Variants in DOK6 observed in about 807,000 individuals in gnomAD.
DOK6 encodes docking protein 6, also known as downstream of tyrosine kinase 6.
Under a neutral mutation model 44.0 loss-of-function variants are expected in DOK6, and 22 were observed. The observed-to-expected ratio is 0.50, with a 90% CI of 0.36 to 0.71. The LOEUF is 0.71. DOK6 is among the 30% of genes least tolerant of loss of function. DOK6 has a pLI of 0.00. For missense variants in DOK6, 340 were observed against 416.4 expected, an observed-to-expected ratio of 0.82 and a Z score of 1.60; for synonymous variants, 166 against 145.5, an observed-to-expected ratio of 1.14 and a Z score of -1.01.
chr18:69,618,849 A>T (rs1196087893), intron 3 of DOK6, among the ~76,000 whole-genome samples: 1 of 152,222 alleles, frequency 6.6e-6, no homozygotes, highest in Admixed American at 6.5e-5. Flanking sequence ...TGTTTTGAAC[A>T]CAAGTGGTCC....
intron 7 of DOK6, among the ~76,000 whole-genome samples, chr18:69,807,811 T>C (rs1240875977): frequency 6.6e-6 from 1 of 151,702 alleles, no homozygotes; most frequent in East Asian, 1.9e-4. Context: ...TAATAAATTA[T>C]TGAAGGGAGA....
intron 2 of DOK6, among the ~76,000 whole-genome samples, chr18:69,594,438 A>C (rs1171529294): frequency 6.6e-6 from 1 of 151,978 alleles, no homozygotes; most frequent in Non-Finnish European, 1.5e-5. Flanking sequence ...GATAATTACA[A>C]ATAGGGAGAA....
chr18:69,692,153 T>A (rs1986282961), intron 4 of DOK6, among the ~76,000 whole-genome samples: 1 of 152,204 alleles, frequency 6.6e-6, no homozygotes, highest in African/African-American at 2.4e-5. Context: ...AAGAGCATAT[T>A]CTATCTTTCT....
Position 69,690,850 on chromosome 18 carries a change from A to G in DOK6, c.410-7554A>G, listed in dbSNP as rs1258251720. ...TTAGTAGTTTTGGATTCTTACTAAA[A>G]TTTCATGTTTTAATTGGTATGTAAA... On this transcript the variant is annotated intron_variant, in intron 4 of 7. Transcript: ENST00000382713. 1.1e-4 allele frequency among the ~76,000 whole-genome samples: 17 copies of G among 152,256 alleles called. No homozygotes were observed. In the East Asian group the frequency reaches 2.9e-3, roughly 26 times the overall value.
rs559623167 is a variant in DOK6 at position 69,526,060 on chromosome 18, G to A, written c.67-38427G>A. Among the ~76,000 whole-genome samples the A allele has an allele frequency of 2.0e-5, 3 of 152,000 alleles. No individual in the cohort carries two copies. The South Asian group carries it at 6.3e-4, about 32-fold the overall frequency. On this transcript the variant is annotated intron_variant, in intron 1 of 7. Coordinates refer to ENST00000382713, the MANE Select transcript of DOK6 (RefSeq NM_152721.6). ...ATACTCCTACATCCCTCATTAAATT[G>A]TTATTACGGCTTTATTAAAATATAA... is the stretch of plus-strand genomic sequence containing the variant.
chr18:69,551,719 A>G (rs1475913822), intron 1 of DOK6, among the ~76,000 whole-genome samples: 1 of 152,176 alleles, frequency 6.6e-6, no homozygotes, highest in African/African-American at 2.4e-5. Context: ...TTTTCATCTT[A>G]TTCCAGTGGC....
intron 2 of DOK6, among the ~76,000 whole-genome samples, chr18:69,569,514 A>G (rs1448518512): frequency 6.6e-6 from 1 of 152,216 alleles, no homozygotes; most frequent in Non-Finnish European, 1.5e-5. Context: ...CCTCAAGATA[A>G]AAAATACTAT....
chr18:69,605,076 TTGTGTGTGTGTGTGTGTGTGTGTGTG>T (rs71176987), intron 3 of DOK6, among the ~76,000 whole-genome samples: 2 of 125,780 alleles, frequency 1.6e-5, no homozygotes, highest in Non-Finnish European at 3.4e-5. Flanking sequence ...AGAGATCCCT[TTGTGTGTGTGTGTGTGTGTGTGTGTG>T]TGTGTGTGTG....
At chr18:69,699,570 C>T (rs1353812694) in intron 5 of DOK6, among the ~76,000 whole-genome samples, 1 of 152,106 alleles carries the variant, frequency 6.6e-6, no homozygotes, top group Admixed American at 6.5e-5. Flanking sequence ...ACTGATTTCT[C>T]TGAAAAGCAT....
chr18:69,801,864 T>C (rs1324712593), intron 7 of DOK6, among the ~76,000 whole-genome samples: 1 of 152,214 alleles, frequency 6.6e-6, no homozygotes, highest in Non-Finnish European at 1.5e-5. Context: ...TTGCAGAGTG[T>C]TGAGTAAAAG....
Position 69,841,502 on chromosome 18 carries a change from C to T in DOK6, c.*119C>T. ...ACAAATTGAAATGGGTCGGCTCTAGCCCCAGTCCCATTGGAAGGTTAAAAA... is the reference window on the plus strand; with the variant it reads ...ACAAATTGAAATGGGTCGGCTCTAGTCCCAGTCCCATTGGAAGGTTAAAAA... On this transcript the variant is annotated 3_prime_UTR_variant, in exon 8 of 8. Coordinates refer to ENST00000382713, the MANE Select transcript of DOK6 (RefSeq NM_152721.6). 5 of 1,370,828 alleles carry T rather than the reference C, an allele frequency of 3.6e-6. No homozygotes were observed. Among genetic ancestry groups the T allele is most frequent in the Non-Finnish European group, 4.8e-6 (5 of 1,032,044 alleles). The allele number at this position is 1,370,828 out of a possible 1,614,324, so 84.9% of individuals were successfully genotyped here.
At chr18:69,516,535 A>C (rs1235979881) in intron 1 of DOK6, among the ~76,000 whole-genome samples, 1 of 152,224 alleles carries the variant, frequency 6.6e-6, no homozygotes, top group Non-Finnish European at 1.5e-5. Flanking sequence ...GATGGTCATT[A>C]AAATGTACTA....
intron 1 of DOK6, among the ~76,000 whole-genome samples, chr18:69,534,407 G>A (rs113207406): frequency 2.6e-5 from 4 of 152,052 alleles, no homozygotes; most frequent in South Asian, 2.1e-4. Flanking sequence ...GTATATACAT[G>A]TATGTGTTTT....
At chr18:69,487,947 G>A (rs1052019281) in intron 1 of DOK6, among the ~76,000 whole-genome samples, 1 of 152,116 alleles carries the variant, frequency 6.6e-6, no homozygotes, top group South Asian at 2.1e-4. Context: ...CTCACATCGA[G>A]CCCACATGTC....
chr18:69,745,089 GTTCT>G (rs1978942305), intron 6 of DOK6, among the ~76,000 whole-genome samples: 1 of 152,086 alleles, frequency 6.6e-6, no homozygotes, highest in Non-Finnish European at 1.5e-5. Flanking sequence ...AGACTATCAT[GTTCT>G]TTTTTCTTAA....
chr18:69,401,358 G>T (rs1439299493), intron 1 of DOK6, 48 bp downstream of exon 1: 7 of 1,430,692 alleles, frequency 4.9e-6, no homozygotes, highest in South Asian at 1.5e-5. Flanking sequence ...CGTTCGGCCC[G>T]GCTGGCTGCC....
At chr18:69,406,161 G>A (rs1461062716) in intron 1 of DOK6, among the ~76,000 whole-genome samples, 1 of 152,016 alleles carries the variant, frequency 6.6e-6, no homozygotes, top group Non-Finnish European at 1.5e-5. Flanking sequence ...ACATATTCCT[G>A]CAAATAATGC....
intron 1 of DOK6, among the ~76,000 whole-genome samples, chr18:69,513,753 C>G (rs1981440387): frequency 6.6e-6 from 1 of 152,116 alleles, no homozygotes; most frequent in African/African-American, 2.4e-5. Flanking sequence ...AATTGCTTAG[C>G]AGTGAATCAA....
rs571238687 is a variant in DOK6, at chr18:69,548,197, C to T, written c.67-16290C>T. Among the ~76,000 whole-genome samples the T allele has an allele frequency of 1.3e-3, 203 of 151,180 alleles. 10 individuals are homozygous for T. The highest frequency in any genetic ancestry group is 2.3e-3 in the South Asian group (11 of 4,738). On this transcript the variant is annotated intron_variant, in intron 1 of 7. Transcript: ENST00000382713. ...CTCGATCTCCTGACCTCATGATCCA[C>T]CCGCCTTGGCCTCCCAAAGTGCTGG... is the stretch of plus-strand genomic sequence containing the variant.
Sources: gnomAD v4.1 joint callset for allele counts (sites outside exome capture counted in the v4.1 genomes callset) on GRCh38, gnomAD v4.1.1 for gene constraint, MANE v1.5 for transcripts, NCBI Gene and HGNC (gene_info 2026-07-23, HGNC 2026-07-21) for gene names.